GFPT1: variants seen among roughly 807,000 people sequenced by gnomAD.
GFPT1 encodes the protein glutamine--fructose-6-phosphate aminotransferase [isomerizing] 1.
In GFPT1, 40 loss-of-function variants were observed where a neutral mutation model predicts 92.0. The ratio of observed to expected loss-of-function variants is 0.43; its 90% CI spans 0.34 to 0.57. The LOEUF (loss-of-function observed/expected upper bound fraction) is 0.57. Ranked by LOEUF, GFPT1 falls within the 20% of genes least tolerant of loss-of-function variation. The probability of loss-of-function intolerance (pLI) is 0.02; values close to 1 mark genes in which losing one functional copy is unlikely to be tolerated. For synonymous variants in GFPT1, 269 were observed against 280.6 expected (o/e 0.96, Z 0.41); for missense variants, 448 against 869.1 (o/e 0.52, Z 6.09).
intron 3 of GFPT1, among the ~76,000 whole-genome samples, chr2:69,364,994 C>CAAAAAAAAAAAAAAAAA (rs58848043): frequency 2.3e-5 from 1 of 44,164 alleles, no homozygotes; most frequent in Non-Finnish European, 4.0e-5. Context: ...GACTCCCTCT[C>CAAAAAAAAAAAAAAAAA]AAAAAAAAAA....
chr2:69,367,252 G>A (rs1671632400), intron 3 of GFPT1, among the ~76,000 whole-genome samples: 1 of 152,120 alleles, frequency 6.6e-6, no homozygotes, highest in South Asian at 2.1e-4. Flanking sequence ...TTACATACCA[G>A]GAATTATCCA....
chr2:69,366,926 A>C (rs1671625913), intron 3 of GFPT1, among the ~76,000 whole-genome samples: 1 of 152,306 alleles, frequency 6.6e-6, no homozygotes, highest in African/African-American at 2.4e-5. Context: ...AAATACTTCA[A>C]ACATATTTAA....
chr2:69,339,198 T>C (rs1039722715), intron 13 of GFPT1, among the ~76,000 whole-genome samples: 3 of 152,208 alleles, frequency 2.0e-5, no homozygotes, highest in Non-Finnish European at 4.4e-5. Flanking sequence ...TCCTAATCTT[T>C]AAAATGAAAA....
At chr2:69,343,437 G>A (rs1443058736) in intron 12 of GFPT1, among the ~76,000 whole-genome samples, 1 of 150,366 alleles carries the variant, frequency 6.7e-6, no homozygotes, top group Non-Finnish European at 1.5e-5. Context: ...TTGAGACAGA[G>A]TCTTGCTCTG....
intron 2 of GFPT1, among the ~76,000 whole-genome samples, chr2:69,370,738 T>C (rs1671726501): frequency 6.6e-6 from 1 of 152,082 alleles, no homozygotes; most frequent in South Asian, 2.1e-4. Context: ...ATAAATGATA[T>C]TGAAAAGTGG....
At chr2:69,340,104 G>C (rs1486238206) in intron 13 of GFPT1, among the ~76,000 whole-genome samples, 4 of 147,762 alleles carry the variant, frequency 2.7e-5, no homozygotes, top group Admixed American at 2.0e-4. Context: ...AGATTTATCT[G>C]TGCTAATTAA....
chr2:69,334,918 C>T (rs1322773303), intron 15 of GFPT1, among the ~76,000 whole-genome samples: 2 of 152,126 alleles, frequency 1.3e-5, no homozygotes, highest in Admixed American at 1.3e-4. Context: ...AGTTGTACAG[C>T]CAAATGAATT....
intron 2 of GFPT1, among the ~76,000 whole-genome samples, chr2:69,371,076 C>CTTT (rs1156764424): frequency 2.3e-5 from 3 of 127,770 alleles, no homozygotes; most frequent in Admixed American, 8.1e-5. Context: ...CTTTTCTTTT[C>CTTT]TTTTTTTTTT....
At chr2:69,366,108 C>T (rs1671604383) in intron 3 of GFPT1, among the ~76,000 whole-genome samples, 1 of 151,402 alleles carries the variant, frequency 6.6e-6, no homozygotes, top group Non-Finnish European at 1.5e-5. Context: ...GCCACCACGC[C>T]TGGCCTCTTT....
At position 69,358,516 on chromosome 2, in the gene GFPT1, A is replaced by T. The variant is rs1671395699; in HGVS notation, c.409-53T>A. The T allele has an allele frequency of 3.2e-6, 4 of 1,258,148 alleles. No individual in the cohort carries two copies. The East Asian group carries it at 1.0e-4, about 32-fold the overall frequency. The allele number at this position is 1,258,148 out of a possible 1,614,324, so 77.9% of individuals were successfully genotyped here. ...AATTAAAGAAATATTAATGATAAAAAAACCTTTTCTACAGAATTGTTCCGT... is the reference window on the plus strand; with the variant it reads ...AATTAAAGAAATATTAATGATAAAATAACCTTTTCTACAGAATTGTTCCGT... On this transcript the variant is annotated intron_variant, in intron 5 of 19. Transcript: ENST00000357308.
rs563882898 is a variant in GFPT1 at position 69,386,444 on chromosome 2, T to TC, written c.7+620dup. On this transcript the variant is annotated intron_variant, in intron 1 of 19. Transcript: ENST00000357308. ...CAAATGATAAATTATGTATAACCTA[T>TC]CGCCACAGACATTTGAAGGCCTCTT... 1.3e-4 allele frequency among the ~76,000 whole-genome samples: 20 copies of TC among 152,336 alleles called. No homozygotes were observed. In the South Asian group the frequency reaches 3.9e-3, roughly 30 times the overall value.
rs988289992 is a variant in GFPT1 at position 69,325,908 on chromosome 2, G to C, written c.*281C>G. On this transcript the variant is annotated 3_prime_UTR_variant, in exon 20 of 20. Transcript: ENST00000357308. ...AGATTGAAGTGGAGGGTCCAGAAAT[G>C]CAACACCCAGCATTCTTTAAAGAAA... The C allele has an allele frequency of 1.7e-5, 6 of 354,952 alleles. No individual in the cohort carries two copies. In the Admixed American group the frequency reaches 2.2e-4, roughly 13 times the overall value. The allele number at this position is 354,952 out of a possible 1,614,324, so 22.0% of individuals were successfully genotyped here.
intron 15 of GFPT1, among the ~76,000 whole-genome samples, chr2:69,335,126 C>T (rs1282634247): frequency 6.6e-6 from 1 of 152,044 alleles, no homozygotes; most frequent in Non-Finnish European, 1.5e-5. Flanking sequence ...CGTGCCTCAG[C>T]CTCCTGAGTA....
chr2:69,344,083 C>A (rs1671021958), intron 12 of GFPT1, among the ~76,000 whole-genome samples: 2 of 150,540 alleles, frequency 1.3e-5, no homozygotes, highest in Middle Eastern at 3.4e-3. Flanking sequence ...CAGTGTTTTC[C>A]ACAGACCTTG....
chr2:69,363,407 T>C, intron 4 of GFPT1, 138 bp downstream of exon 4: 8 of 896,288 alleles, frequency 8.9e-6, no homozygotes, highest in Non-Finnish European at 1.2e-5. Context: ...CTCAGCTCCA[T>C]ATGCTCTCTA....
At chr2:69,377,584 T>C (rs888869715) in intron 1 of GFPT1, among the ~76,000 whole-genome samples, 13 of 151,582 alleles carry the variant, frequency 8.6e-5, no homozygotes, top group Non-Finnish European at 7.4e-5. Flanking sequence ...AGCTTGAACC[T>C]GGGAGGCAGA....
chr2:69,384,229 G>A (rs565028659), intron 1 of GFPT1, among the ~76,000 whole-genome samples: 2 of 152,044 alleles, frequency 1.3e-5, no homozygotes, highest in African/African-American at 2.4e-5. Context: ...ATTACCACGC[G>A]ATTTAATATG....
chr2:69,361,169 C>T (rs915486989), intron 4 of GFPT1, among the ~76,000 whole-genome samples: 5 of 151,808 alleles, frequency 3.3e-5, no homozygotes, highest in South Asian at 2.1e-4. Flanking sequence ...AAAAACTTGC[C>T]GGGTGCGGTG....
chr2:69,379,659 T>G (rs1161822200), intron 1 of GFPT1, among the ~76,000 whole-genome samples: 2 of 152,014 alleles, frequency 1.3e-5, no homozygotes, highest in African/African-American at 4.8e-5. Context: ...CATCTCAGCC[T>G]CCCAAGTAGC....
Sources: allele counts gnomAD v4.1 joint callset (sites outside exome capture counted in the v4.1 genomes callset), GRCh38; gene constraint gnomAD v4.1.1; transcripts MANE v1.5; gene names NCBI Gene and HGNC (gene_info 2026-07-23, HGNC 2026-07-21).